KCNN2: variants seen among roughly 807,000 people sequenced by gnomAD.
The protein encoded by KCNN2 is small conductance calcium-activated potassium channel protein 2.
KCNN2 carries 24 observed loss-of-function variants against 55.5 expected under a neutral mutation model. The observed-to-expected ratio is 0.43, with a 90% CI of 0.31 to 0.61. KCNN2 has a LOEUF of 0.61. Among genes scored for constraint, KCNN2 ranks in the 20% least tolerant of loss-of-function variants. The pLI is 0.08. For missense variants in KCNN2, 754 were observed against 853.6 expected (o/e 0.88, Z 1.45); for synonymous variants, 431 against 336.1 (o/e 1.28, Z -3.09).
intron 1 of KCNN2, among the ~76,000 whole-genome samples, chr5:114,217,019 C>A (rs1389802815): frequency 4.0e-5 from 6 of 151,830 alleles, no homozygotes; most frequent in Non-Finnish European, 7.4e-5. Flanking sequence ...ACATTAGCAT[C>A]AAAAAATAAA....
At chr5:114,070,025 T>C (rs1750533924) in intron 1 of KCNN2, among the ~76,000 whole-genome samples, 1 of 152,254 alleles carries the variant, frequency 6.6e-6, no homozygotes, top group African/African-American at 2.4e-5. Context: ...TCAAACATTT[T>C]ACATCGCATC....
intron 2 of KCNN2, among the ~76,000 whole-genome samples, chr5:114,351,337 A>T (rs1027750169): frequency 6.6e-6 from 1 of 151,742 alleles, no homozygotes; most frequent in Non-Finnish European, 1.5e-5. Context: ...TAGTTCTAAG[A>T]GCATTTTAGT....
chr5:114,153,608 G>C (rs1236596094), intron 1 of KCNN2, among the ~76,000 whole-genome samples: 2 of 152,206 alleles, frequency 1.3e-5, no homozygotes, highest in Non-Finnish European at 1.5e-5. Context: ...GGTAACACCT[G>C]GTGCAGACAG....
At chr5:114,075,380 G>A (rs1429768927) in intron 1 of KCNN2, among the ~76,000 whole-genome samples, 1 of 152,134 alleles carries the variant, frequency 6.6e-6, no homozygotes, top group Non-Finnish European at 1.5e-5. Context: ...AATCCGAAAG[G>A]TTAAATGAGG....
At chr5:114,093,797 C>T (rs192551162) in intron 1 of KCNN2, among the ~76,000 whole-genome samples, 4 of 152,304 alleles carry the variant, frequency 2.6e-5, no homozygotes, top group Admixed American at 2.0e-4. Context: ...GATCCAATTA[C>T]CTCCACCTGG....
intron 1 of KCNN2, among the ~76,000 whole-genome samples, chr5:114,197,049 A>C (rs1753572102): frequency 6.6e-6 from 1 of 151,994 alleles, no homozygotes; most frequent in Admixed American, 6.6e-5. Flanking sequence ...TTTCATTTTC[A>C]TTCATTCTGA....
chr5:114,311,291 C>A (rs988831388), intron 2 of KCNN2, among the ~76,000 whole-genome samples: 2 of 152,064 alleles, frequency 1.3e-5, no homozygotes, highest in Non-Finnish European at 2.9e-5. Context: ...CTTTCATTTA[C>A]TGTCTCATTT....
intron 2 of KCNN2, among the ~76,000 whole-genome samples, chr5:114,306,996 A>C (rs865875788): frequency 7.9e-5 from 12 of 152,016 alleles, no homozygotes; most frequent in African/African-American, 2.9e-4. Context: ...GAGCCACTTT[A>C]ATAAAGGGGC....
chr5:114,182,967 G>A (rs992499260), intron 1 of KCNN2, among the ~76,000 whole-genome samples: 10 of 152,036 alleles, frequency 6.6e-5, no homozygotes, highest in Non-Finnish European at 1.5e-4. Context: ...GCATTAATAT[G>A]TCATCATTAA....
intron 7 of KCNN2, among the ~76,000 whole-genome samples, chr5:114,494,492 G>A (rs541164830): frequency 1.1e-4 from 17 of 151,442 alleles, no homozygotes; most frequent in Admixed American, 4.6e-4. Context: ...AAAGTATGAG[G>A]ACATCCTCGA....
At position 114,483,182 on chromosome 5, in the gene KCNN2, C is replaced by T. The variant is rs571774335; in HGVS notation, c.1891-3868C>T. 5.3e-5 allele frequency among the ~76,000 whole-genome samples: 8 copies of T among 151,762 alleles called. No individual in the cohort carries two copies. In the Middle Eastern group the frequency reaches 0.01, roughly 195 times the overall value. ...TTAACCGTGAGTCGCAATATAATAT[C>T]TCCTGGCCTGTATACTTGTGAAAGT... On this transcript the variant is annotated intron_variant, in intron 5 of 7. Transcript: ENST00000673685.
At chr5:114,439,064 T>C (rs540209396) in intron 3 of KCNN2, among the ~76,000 whole-genome samples, 1 of 152,356 alleles carries the variant, frequency 6.6e-6, no homozygotes, top group South Asian at 2.1e-4. Context: ...TAAAAAAATC[T>C]GAAATTTCAT....
At chr5:114,148,321 T>A (rs1752446828) in intron 1 of KCNN2, among the ~76,000 whole-genome samples, 1 of 152,162 alleles carries the variant, frequency 6.6e-6, no homozygotes. Flanking sequence ...TCTGTTACCA[T>A]CCTCCATTTT....
chr5:114,120,521 A>C (rs951401393), intron 1 of KCNN2, among the ~76,000 whole-genome samples: 1 of 152,076 alleles, frequency 6.6e-6, no homozygotes, highest in African/African-American at 2.4e-5. Flanking sequence ...ATGTTATGGG[A>C]ATTTGAGTCA....
upstream of KCNN2, among the ~76,000 whole-genome samples, chr5:114,359,536 A>G (rs559424779): frequency 6.6e-6 from 1 of 152,348 alleles, no homozygotes; most frequent in Admixed American, 6.5e-5. Flanking sequence ...TCAGTTTGAC[A>G]CAAGGGATGC....
chr5:114,453,642 A>G (rs1348756951), intron 3 of KCNN2, among the ~76,000 whole-genome samples: 6 of 152,042 alleles, frequency 3.9e-5, no homozygotes, highest in Admixed American at 3.9e-4. Context: ...TGGAACCTCT[A>G]TTTTAATTGT....
At chr5:114,328,787 G>A (rs1756755205) in intron 2 of KCNN2, among the ~76,000 whole-genome samples, 1 of 152,100 alleles carries the variant, frequency 6.6e-6, no homozygotes, top group African/African-American at 2.4e-5. Context: ...TATTGTTTAG[G>A]CAACCCTGAA....
chr5:114,318,721 A>G (rs1012398486), intron 2 of KCNN2, among the ~76,000 whole-genome samples: 2 of 152,008 alleles, frequency 1.3e-5, no homozygotes, highest in Non-Finnish European at 2.9e-5. Context: ...CTCAGGGTTC[A>G]CTGACTAAAT....
At chr5:114,476,276 T>C (rs1046919023) in intron 5 of KCNN2, among the ~76,000 whole-genome samples, 12 of 148,190 alleles carry the variant, frequency 8.1e-5, no homozygotes, top group Non-Finnish European at 1.8e-4. Context: ...GTGGCACATA[T>C]ACACCATGGA....
Sources: gnomAD v4.1 joint callset for allele counts (sites outside exome capture counted in the v4.1 genomes callset) on GRCh38, gnomAD v4.1.1 for gene constraint, MANE v1.5 for transcripts, NCBI Gene and HGNC (gene_info 2026-07-23, HGNC 2026-07-21) for gene names.